Variants in KIF3B observed in about 807,000 individuals in gnomAD.
KIF3B encodes kinesin family member 3B.
KIF3B carries 38 observed loss-of-function variants against 74.3 expected under a neutral mutation model. That is an observed-to-expected ratio of 0.51 (90% CI 0.39 to 0.67). KIF3B has a LOEUF of 0.67. KIF3B is among the 30% of genes least tolerant of loss of function. The pLI is 0.00. For missense variants in KIF3B, 649 were observed against 932.0 expected, an observed-to-expected ratio of 0.70 and a Z score of 3.95; for synonymous variants, 326 against 342.5, an observed-to-expected ratio of 0.95 and a Z score of 0.53.
At chr20:32,283,481 G>A (rs1424578233) in intron 1 of KIF3B, among the ~76,000 whole-genome samples, 10 of 151,290 alleles carry the variant, frequency 6.6e-5, no homozygotes, top group Admixed American at 5.9e-4. Context: ...TCCAGCCTGG[G>A]CGACAGAGTG....
chr20:32,333,351 G>A lies in KIF3B; in HGVS notation c.*2032G>A, dbSNP rs953004049. On this transcript the variant is annotated 3_prime_UTR_variant, in exon 9 of 9. Transcript: ENST00000375712. Reference sequence around the variant, plus strand: ...TGAGAATTGAAAACTGCAGATAACCGGCCGGGTATGGTGACTCATGCCTGT... The same window carrying A: ...TGAGAATTGAAAACTGCAGATAACCAGCCGGGTATGGTGACTCATGCCTGT... 2.0e-5 allele frequency: 3 copies of A among 151,852 alleles called. No individual in the cohort carries two copies. The highest frequency in any genetic ancestry group is 4.4e-5 in the Non-Finnish European group (3 of 67,984). 9.4% of individuals were successfully genotyped at this position (151,852 alleles called of 1,614,324 possible). A position where few individuals can be genotyped will look rare whatever the true frequency, so the allele number is the denominator to read the frequency against.
chr20:32,305,377 A>T (rs547951154), intron 1 of KIF3B, among the ~76,000 whole-genome samples: 1 of 151,996 alleles, frequency 6.6e-6, no homozygotes, highest in East Asian at 1.9e-4. Flanking sequence ...AAGAAAATTT[A>T]AAAATCCCTG....
chr20:32,287,317 A>AT (rs950789820), intron 1 of KIF3B, among the ~76,000 whole-genome samples: 2 of 145,552 alleles, frequency 1.4e-5, no homozygotes, highest in African/African-American at 2.6e-5. Flanking sequence ...GGCCCAATCT[A>AT]TTTTTTTTAT....
chr20:32,285,656 A>T (rs933436545), intron 1 of KIF3B, among the ~76,000 whole-genome samples: 1 of 152,180 alleles, frequency 6.6e-6, no homozygotes, highest in African/African-American at 2.4e-5. Context: ...TGTCTTGCGC[A>T]TACATATATA....
At chr20:32,317,048 C>G (rs1425262924) in intron 5 of KIF3B, among the ~76,000 whole-genome samples, 174 bp downstream of exon 5, 3 of 152,154 alleles carry the variant, frequency 2.0e-5, no homozygotes, top group Non-Finnish European at 4.4e-5. Flanking sequence ...CCAGCCTGAC[C>G]AACATGGTGA....
chr20:32,304,317 C>T (rs1050298088), intron 1 of KIF3B, among the ~76,000 whole-genome samples: 1 of 152,204 alleles, frequency 6.6e-6, no homozygotes, highest in African/African-American at 2.4e-5. Context: ...CACTGCTTCA[C>T]CTTCTCCCAC....
At chr20:32,296,463 G>C (rs1353332784) in intron 1 of KIF3B, among the ~76,000 whole-genome samples, 1 of 152,076 alleles carries the variant, frequency 6.6e-6, no homozygotes, top group East Asian at 1.9e-4. Context: ...AGCTCGGTGT[G>C]ATGGTGGGTG....
At position 32,277,683 on chromosome 20, in the gene KIF3B, G is replaced by A. The variant is rs2047622127; in HGVS notation, c.-148G>A. On this transcript the variant is annotated 5_prime_UTR_variant, in exon 1 of 9. The change abolishes an upstream ATG in the 5' untranslated region. Coordinates refer to ENST00000375712, the MANE Select transcript of KIF3B (RefSeq NM_004798.4). ...CTCCCCATCCGGGGCAGCGGGGAATGGCTGAGCCAGGGGTTCGCCGCCCCC... is the reference window on the plus strand; with the variant it reads ...CTCCCCATCCGGGGCAGCGGGGAATAGCTGAGCCAGGGGTTCGCCGCCCCC... The A allele has an allele frequency of 4.0e-6, 1 of 253,034 alleles. No individual in the cohort carries two copies. Among genetic ancestry groups the A allele is most frequent in the Admixed American group, 5.7e-5 (1 of 17,512 alleles). 15.7% of individuals were successfully genotyped at this position (253,034 alleles called of 1,614,324 possible).
chr20:32,308,786 C>T (rs1224674716), intron 1 of KIF3B, among the ~76,000 whole-genome samples: 2 of 150,766 alleles, frequency 1.3e-5, no homozygotes, highest in African/African-American at 4.9e-5. Context: ...AGCGCAGTGC[C>T]AGGATCTCGG....
At chr20:32,317,810 A>T (rs535531071) in intron 5 of KIF3B, among the ~76,000 whole-genome samples, 85 of 151,926 alleles carry the variant, frequency 5.6e-4, no homozygotes, top group Middle Eastern at 3.4e-3. Context: ...GCTAATTTTT[A>T]AAAAAAATTT....
chr20:32,301,678 A>G (rs1346558226), intron 1 of KIF3B, among the ~76,000 whole-genome samples: 1 of 152,164 alleles, frequency 6.6e-6, no homozygotes, highest in African/African-American at 2.4e-5. Flanking sequence ...TGCCAGGCCC[A>G]TGTTGTTTTA....
chr20:32,288,740 C>T (rs1436622288), intron 1 of KIF3B, among the ~76,000 whole-genome samples: 1 of 152,162 alleles, frequency 6.6e-6, no homozygotes, highest in Admixed American at 6.6e-5. Flanking sequence ...ACTCTGTCGC[C>T]TCAGCTCACT....
chr20:32,308,433 CAG>C (rs1352649464), intron 1 of KIF3B, among the ~76,000 whole-genome samples: 2 of 152,120 alleles, frequency 1.3e-5, no homozygotes, highest in African/African-American at 4.8e-5. Flanking sequence ...TATTTTGAAA[CAG>C]AGTCTTGCTC....
intron 2 of KIF3B, among the ~76,000 whole-genome samples, chr20:32,315,037 C>T (rs1424746721): frequency 6.6e-6 from 1 of 152,184 alleles, no homozygotes; most frequent in Non-Finnish European, 1.5e-5. Flanking sequence ...ATCAGGGTCT[C>T]TTGGACTCAT....
Position 32,290,711 on chromosome 20 carries a change from A to AAAT in KIF3B, c.-66+12961_-66+12963dup, listed in dbSNP as rs573903767. 5.0e-3 allele frequency among the ~76,000 whole-genome samples: 760 copies of AAAT among 151,942 alleles called. 5 individuals carry two copies. Among genetic ancestry groups the AAAT allele is most frequent in the African/African-American group, 0.016 (681 of 41,436 alleles). ...TATAGTGAGACCTTGTTTCTATAACAAATAATAATAATAATAAATTAGCTC... is the reference window on the plus strand; with the variant it reads ...TATAGTGAGACCTTGTTTCTATAACAAATAATAATAATAATAATAAATTAGCTC... On this transcript the variant is annotated intron_variant, in intron 1 of 8. Transcript: ENST00000375712.
intron 1 of KIF3B, among the ~76,000 whole-genome samples, chr20:32,302,440 A>C (rs1263916504): frequency 6.6e-6 from 1 of 152,156 alleles, no homozygotes; most frequent in Non-Finnish European, 1.5e-5. Flanking sequence ...TGTTTCTATC[A>C]TTTTGGAGAG....
At chr20:32,296,610 AG>A (rs1167262600) in intron 1 of KIF3B, among the ~76,000 whole-genome samples, 1 of 151,992 alleles carries the variant, frequency 6.6e-6, no homozygotes, top group Admixed American at 6.6e-5. Context: ...GAAAAAAAAA[AG>A]GGTATATAAT....
intron 1 of KIF3B, among the ~76,000 whole-genome samples, chr20:32,297,772 G>C (rs1406595185): frequency 6.6e-6 from 1 of 152,054 alleles, no homozygotes; most frequent in African/African-American, 2.4e-5. Context: ...AGGGCTGTCA[G>C]ATATTCCCAT....
intron 5 of KIF3B, among the ~76,000 whole-genome samples, chr20:32,320,075 A>G (rs892901130): frequency 6.6e-6 from 1 of 151,644 alleles, no homozygotes; most frequent in Non-Finnish European, 1.5e-5. Context: ...TTGTATTTTT[A>G]GTAGAGACGG....
Sources: gnomAD v4.1 joint callset for allele counts (sites outside exome capture counted in the v4.1 genomes callset) on GRCh38, gnomAD v4.1.1 for gene constraint, MANE v1.5 for transcripts, NCBI Gene and HGNC (gene_info 2026-07-23, HGNC 2026-07-21) for gene names.